Variants in SYT1 observed in about 807,000 individuals in gnomAD.
The protein encoded by SYT1 is synaptotagmin 1, also known as synaptotagmin-1.
SYT1 carries 8 observed loss-of-function variants against 44.8 expected under a neutral mutation model. The ratio of observed to expected loss-of-function variants is 0.18; its 90% CI spans 0.10 to 0.32. The LOEUF is 0.32. Among genes scored for constraint, SYT1 ranks in the 10% least tolerant of loss-of-function variants. SYT1 has a pLI of 1.00. For synonymous variants in SYT1, 154 were observed against 188.8 expected (o/e 0.82, Z 1.51); for missense variants, 286 against 509.3 (o/e 0.56, Z 4.22).
chr12:79,401,678 T>G (rs1460181154), intron 9 of SYT1, among the ~76,000 whole-genome samples: 1 of 151,800 alleles, frequency 6.6e-6, no homozygotes, highest in East Asian at 1.9e-4. Context: ...ACTTTTTTTT[T>G]TTTTTTTTGG....
At chr12:79,006,279 G>A (rs1935520662) in intron 2 of SYT1, among the ~76,000 whole-genome samples, 1 of 152,142 alleles carries the variant, frequency 6.6e-6, no homozygotes, top group Admixed American at 6.6e-5. Context: ...ATTAGATTCG[G>A]TCATCAAAGG....
At chr12:79,124,264 G>A (rs1393746010) in intron 3 of SYT1, among the ~76,000 whole-genome samples, 5 of 152,172 alleles carry the variant, frequency 3.3e-5, no homozygotes, top group Non-Finnish European at 5.9e-5. Context: ...CCAACATGAT[G>A]TAATTGGAAG....
chr12:79,149,848 A>C (rs1485506981), intron 3 of SYT1, among the ~76,000 whole-genome samples: 1 of 152,178 alleles, frequency 6.6e-6, no homozygotes, highest in African/African-American at 2.4e-5. Flanking sequence ...CACTGGCCCC[A>C]CACCTTCTCT....
At chr12:79,251,982 T>TGATAGATAGATAGATAGATAGATA (rs10527014) in intron 4 of SYT1, among the ~76,000 whole-genome samples, 71 of 149,936 alleles carry the variant, frequency 4.7e-4, no homozygotes, top group African/African-American at 9.8e-4. Context: ...GATAGATGAT[T>TGATAGATAGATAGATAGATAGATA]GATAGATAGA....
intron 8 of SYT1, among the ~76,000 whole-genome samples, chr12:79,312,032 A>G (rs1279286412): frequency 6.6e-6 from 1 of 151,942 alleles, no homozygotes; most frequent in Non-Finnish European, 1.5e-5. Flanking sequence ...AATAAAATAA[A>G]AAATAAAATT....
rs532885529 is a variant in SYT1, at chr12:79,169,135, T to C, written c.-17-48368T>C. On this transcript the variant is annotated intron_variant, in intron 3 of 10. Coordinates refer to ENST00000261205, the MANE Select transcript of SYT1 (RefSeq NM_005639.3). ...CATTTGCAAATGTTTTTCTAAAAAA[T>C]GCCATCCTAAGAACACTTTACAGAT... Among the ~76,000 whole-genome samples, 31 of 152,156 alleles carry C rather than the reference T, an allele frequency of 2.0e-4. No homozygotes were observed. The East Asian group carries it at 5.6e-3, about 28-fold the overall frequency.
rs1869752502 is a variant in SYT1 at position 79,431,146 on chromosome 12, G to A, written c.929-12927G>A. ...TAGAAAATCTGGGGAAAACAAGACA[G>A]TCCTAGCATTTGTTCCTCTGGATCA... On this transcript the variant is annotated intron_variant, in intron 9 of 10. Transcript: ENST00000261205. 3.9e-5 allele frequency among the ~76,000 whole-genome samples: 6 copies of A among 152,354 alleles called. No homozygotes were observed. In the South Asian group the frequency reaches 1.2e-3, roughly 32 times the overall value.
chr12:79,337,059 C>T (rs941850976), intron 8 of SYT1, among the ~76,000 whole-genome samples: 6 of 151,652 alleles, frequency 4.0e-5, no homozygotes, highest in Non-Finnish European at 5.9e-5. Flanking sequence ...TCATGTCCTC[C>T]TTTTTGGTTC....
At chr12:79,178,695 G>A (rs1483796645) in intron 3 of SYT1, among the ~76,000 whole-genome samples, 2 of 151,546 alleles carry the variant, frequency 1.3e-5, no homozygotes, top group Non-Finnish European at 2.9e-5. Flanking sequence ...CAATACCATA[G>A]AATGTTTCCT....
At chr12:78,884,232 A>C (rs558575865) in intron 1 of SYT1, among the ~76,000 whole-genome samples, 2 of 151,574 alleles carry the variant, frequency 1.3e-5, no homozygotes, top group Non-Finnish European at 3.0e-5. Flanking sequence ...AGATTATTTT[A>C]TTTATGTTGG....
chr12:79,045,042 T>C (rs1348587230), intron 2 of SYT1, among the ~76,000 whole-genome samples: 6 of 152,038 alleles, frequency 3.9e-5, no homozygotes, highest in African/African-American at 1.4e-4. Flanking sequence ...GACAGGGACA[T>C]TTAAGTCTGC....
chr12:79,377,354 G>A (rs372531232), intron 9 of SYT1, among the ~76,000 whole-genome samples: 13 of 152,132 alleles, frequency 8.5e-5, no homozygotes, highest in African/African-American at 1.9e-4. Context: ...CTCGTGATCC[G>A]CCTACCTTGG....
At chr12:79,310,601 T>C (rs1244146103) in intron 8 of SYT1, among the ~76,000 whole-genome samples, 1 of 152,212 alleles carries the variant, frequency 6.6e-6, no homozygotes, top group Non-Finnish European at 1.5e-5. Flanking sequence ...TAAATTACCT[T>C]GGGCAGTATG....
intron 1 of SYT1, among the ~76,000 whole-genome samples, chr12:78,870,477 T>C (rs1013612029): frequency 1.3e-5 from 2 of 152,124 alleles, no homozygotes; most frequent in Non-Finnish European, 2.9e-5. Flanking sequence ...AGATAAATGT[T>C]TTCTTTCTCT....
intron 2 of SYT1, among the ~76,000 whole-genome samples, chr12:79,030,949 A>G (rs897817902): frequency 1.3e-5 from 2 of 150,948 alleles, no homozygotes; most frequent in African/African-American, 2.4e-5. Flanking sequence ...GAGTTATAGT[A>G]TTCTCCAATC....
intron 1 of SYT1, among the ~76,000 whole-genome samples, chr12:78,937,563 T>C (rs565116393): frequency 6.6e-6 from 1 of 152,250 alleles, no homozygotes; most frequent in South Asian, 2.1e-4. Context: ...CAAAGATAAA[T>C]AAATTCAAAT....
chr12:79,353,704 A>C, intron 9 of SYT1, 85 bp downstream of exon 9: 1 of 988,880 alleles, frequency 1.0e-6, no homozygotes, highest in Non-Finnish European at 1.6e-6. Flanking sequence ...GCGACTCCCC[A>C]CTTCTTAATT....
intron 9 of SYT1, among the ~76,000 whole-genome samples, chr12:79,438,956 C>T (rs766251690): frequency 1.8e-4 from 28 of 152,090 alleles, no homozygotes; most frequent in Non-Finnish European, 3.5e-4. Context: ...AGAGTTTTCT[C>T]AGAGTAGAAA....
intron 3 of SYT1, among the ~76,000 whole-genome samples, chr12:79,085,612 T>C (rs1592734445): frequency 1.3e-5 from 2 of 152,118 alleles, no homozygotes; most frequent in East Asian, 1.9e-4. Flanking sequence ...GTCTAGGGAA[T>C]TGGGTCCTAA....
Sources: allele counts gnomAD v4.1 joint callset (sites outside exome capture counted in the v4.1 genomes callset), GRCh38; gene constraint gnomAD v4.1.1; transcripts MANE v1.5; gene names NCBI Gene and HGNC (gene_info 2026-07-23, HGNC 2026-07-21).